The following TUFT1 variants were observed in gnomAD, a reference collection of about 807,000 sequenced individuals.
TUFT1 encodes the protein tuftelin 1.
Under a neutral mutation model 57.8 loss-of-function variants are expected in TUFT1, and 43 were observed. That is an observed-to-expected ratio of 0.74 (90% CI 0.58 to 0.96). The LOEUF (loss-of-function observed/expected upper bound fraction) is 0.96, where lower values mean the gene tolerates loss of function less well. Among genes scored for constraint, TUFT1 ranks in the 40% least tolerant of loss-of-function variants. The pLI, the probability that TUFT1 is intolerant of heterozygous loss-of-function variation, is 0.00. For missense variants in TUFT1, 459 were observed against 489.0 expected, an observed-to-expected ratio of 0.94 and a Z score of 0.58; for synonymous variants, 166 against 176.7, an observed-to-expected ratio of 0.94 and a Z score of 0.48.
chr1:151,578,255 C>A (rs1666542019), intron 9 of TUFT1, among the ~76,000 whole-genome samples: 1 of 152,206 alleles, frequency 6.6e-6, no homozygotes, highest in Non-Finnish European at 1.5e-5. Context: ...TCTAACCTTT[C>A]CGAGCCTCAG....
intron 9 of TUFT1, among the ~76,000 whole-genome samples, chr1:151,576,379 A>G (rs1478938136): frequency 2.6e-5 from 4 of 152,132 alleles, no homozygotes; most frequent in East Asian, 1.9e-4. Context: ...CCAATTCTCA[A>G]TTGATACCAG....
At chr1:151,545,834 T>C (rs1289261951) in intron 1 of TUFT1, 1 of 534,042 alleles carries the variant, frequency 1.9e-6, no homozygotes, top group South Asian at 1.4e-5. Context: ...CAGCCAGTAC[T>C]GGTCTTAGAC....
intron 1 of TUFT1, chr1:151,546,019 T>C (rs1665327117): frequency 1.4e-5 from 4 of 290,082 alleles, no homozygotes; most frequent in African/African-American, 9.1e-5. Context: ...TTTTTTTTTC[T>C]ACAGCATCTT....
intron 1 of TUFT1, among the ~76,000 whole-genome samples, chr1:151,550,112 G>A (rs1665463528): frequency 6.6e-6 from 1 of 151,966 alleles, no homozygotes; most frequent in Non-Finnish European, 1.5e-5. Context: ...TCTCCCTGGG[G>A]CCTCTGCCTC....
intron 1 of TUFT1, among the ~76,000 whole-genome samples, chr1:151,544,346 G>C (rs1235164061): frequency 2.0e-5 from 3 of 152,014 alleles, no homozygotes; most frequent in African/African-American, 7.2e-5. Flanking sequence ...ACCCAGGCTG[G>C]GGTGCGGTGG....
chr1:151,541,462 T>G (rs1401781601), intron 1 of TUFT1, among the ~76,000 whole-genome samples: 1 of 152,166 alleles, frequency 6.6e-6, no homozygotes, highest in African/African-American at 2.4e-5. Context: ...TCCAAGCTAT[T>G]GTGGGTGGGA....
intron 1 of TUFT1, among the ~76,000 whole-genome samples, chr1:151,559,085 G>T (rs1006485703): frequency 6.6e-6 from 1 of 152,146 alleles, no homozygotes; most frequent in East Asian, 1.9e-4. Context: ...GCCCCTGGTC[G>T]AGATACTGTT....
intron 10 of TUFT1, 48 bp downstream of exon 10, chr1:151,578,874 C>T (rs761637021): frequency 7.6e-6 from 11 of 1,441,658 alleles, no homozygotes; most frequent in Non-Finnish European, 9.5e-6. Context: ...CACCCCAAGT[C>T]TATGCTCTTA....
chr1:151,581,186 G>A, intron 12 of TUFT1, 144 bp downstream of exon 12: 1 of 782,938 alleles, frequency 1.3e-6, no homozygotes, highest in South Asian at 1.8e-5. Context: ...CTGTTTGCCG[G>A]AACCATTTTC....
At chr1:151,563,226 TTCTC>T (rs536824321) in intron 3 of TUFT1, among the ~76,000 whole-genome samples, 15 of 152,012 alleles carry the variant, frequency 9.9e-5, no homozygotes, top group East Asian at 3.9e-4. Context: ...TTTTTGTTAT[TTCTC>T]TCTCTCTTTT....
intron 1 of TUFT1, 72 bp downstream of exon 1, chr1:151,540,498 CGCG>C (rs1665126117): frequency 2.3e-5 from 37 of 1,576,678 alleles, no homozygotes; most frequent in Admixed American, 8.4e-5. Flanking sequence ...TTCCGTGCCC[CGCG>C]CCGTGTTGGC....
chr1:151,579,097 T>A (rs1666567737), intron 10 of TUFT1, among the ~76,000 whole-genome samples: 2 of 152,184 alleles, frequency 1.3e-5, no homozygotes. Flanking sequence ...TGTGGGTAAA[T>A]GAGTAGTTGA....
chr1:151,563,754 AT>A (rs1665972124), intron 3 of TUFT1, 149 bp from the exon 4 acceptor site: 1 of 676,118 alleles, frequency 1.5e-6, no homozygotes, highest in Non-Finnish European at 2.6e-6. Context: ...AAGTAAATAT[AT>A]TTTTAGGTCT....
At chr1:151,566,927 T>C (rs982205552) in intron 6 of TUFT1, among the ~76,000 whole-genome samples, 2 of 152,180 alleles carry the variant, frequency 1.3e-5, no homozygotes, top group Non-Finnish European at 2.9e-5. Context: ...GATTGATTGA[T>C]TGATTGACTG....
intron 1 of TUFT1, among the ~76,000 whole-genome samples, chr1:151,557,012 A>G (rs1444537422): frequency 6.6e-6 from 1 of 152,168 alleles, no homozygotes; most frequent in Non-Finnish European, 1.5e-5. Context: ...GATGTGAGCT[A>G]TGATGCCCGG....
In TUFT1 at chr1:151,540,377, C is replaced by T. The variant is rs761592264; in HGVS notation, c.11C>T (p.Thr4Met). 1.2e-6 allele frequency: 2 copies of T among 1,614,148 alleles called. No homozygotes were observed. The highest frequency in any genetic ancestry group is 1.7e-6 in the Non-Finnish European group (2 of 1,179,998). MNG[T>M]RNWCTLVDVH... ...CGACCCCGAGGGAAGATGAACGGGA[C>T]GCGGAACTGGTGTACCCTGGTGGAC... is the stretch of plus-strand genomic sequence containing the variant. Residue 4 changes from threonine to methionine, a missense_variant, in exon 1 of 13, where the codon ACG (threonine) becomes ATG (methionine). Physicochemically the swap from Thr to Met is moderately conservative, Grantham distance 81. Transcript: ENST00000368849.
intron 7 of TUFT1, among the ~76,000 whole-genome samples, chr1:151,573,766 A>G (rs1392886275): frequency 6.6e-6 from 1 of 152,182 alleles, no homozygotes; most frequent in Non-Finnish European, 1.5e-5. Context: ...ATAATAATAA[A>G]TAAATAAGAC....
intron 8 of TUFT1, among the ~76,000 whole-genome samples, chr1:151,574,638 TG>T (rs1047769107): frequency 6.6e-6 from 1 of 152,228 alleles, no homozygotes; most frequent in Non-Finnish European, 1.5e-5. Context: ...TTTGAAGTCC[TG>T]GTTTCTCAGG....
At chr1:151,544,666 G>A (rs1381115352) in intron 1 of TUFT1, among the ~76,000 whole-genome samples, 2 of 152,102 alleles carry the variant, frequency 1.3e-5, no homozygotes, top group African/African-American at 2.4e-5. Flanking sequence ...ACGTGATCTC[G>A]GACATTTAAA....
Sources: allele counts gnomAD v4.1 joint callset (sites outside exome capture counted in the v4.1 genomes callset), GRCh38; gene constraint gnomAD v4.1.1; transcripts MANE v1.5; gene names NCBI Gene and HGNC (gene_info 2026-07-23, HGNC 2026-07-21).